Variants in KCNIP4 observed in about 807,000 individuals in gnomAD.
The protein encoded by KCNIP4 is potassium voltage-gated channel interacting protein 4.
In KCNIP4, 12 loss-of-function variants were observed where a neutral mutation model predicts 34.0. That is an observed-to-expected ratio of 0.35 (90% CI 0.23 to 0.57). KCNIP4 has a LOEUF of 0.57. Among genes scored for constraint, KCNIP4 ranks in the 20% least tolerant of loss-of-function variants. The probability of loss-of-function intolerance (pLI) is 0.83; values close to 1 mark genes in which losing one functional copy is unlikely to be tolerated. For synonymous variants in KCNIP4, 124 were observed against 102.2 expected (o/e 1.21, Z -1.29); for missense variants, 238 against 311.7 (o/e 0.76, Z 1.78).
intron 1 of KCNIP4, among the ~76,000 whole-genome samples, chr4:21,130,138 A>G (rs1051208824): frequency 6.6e-6 from 1 of 151,416 alleles, no homozygotes; most frequent in Non-Finnish European, 1.5e-5. Flanking sequence ...ATCCTCCCTC[A>G]TATCCCTAAG....
intron 1 of KCNIP4, among the ~76,000 whole-genome samples, chr4:21,872,347 C>T (rs1725869206): frequency 6.6e-6 from 1 of 152,106 alleles, no homozygotes; most frequent in Non-Finnish European, 1.5e-5. Context: ...CGCTATGAGC[C>T]AGGATTTATT....
At chr4:21,604,772 T>C (rs1204167971) in intron 1 of KCNIP4, among the ~76,000 whole-genome samples, 2 of 152,166 alleles carry the variant, frequency 1.3e-5, no homozygotes, top group Non-Finnish European at 2.9e-5. Context: ...GTACACTAAA[T>C]TTAGACAAAT....
At chr4:20,803,635 G>A (rs1217024563) in intron 3 of KCNIP4, among the ~76,000 whole-genome samples, 1 of 150,986 alleles carries the variant, frequency 6.6e-6, no homozygotes, top group Non-Finnish European at 1.5e-5. Context: ...TCCAGCCTGG[G>A]CAACAGAGTG....
chr4:21,195,866 A>T (rs1469208411), intron 1 of KCNIP4, among the ~76,000 whole-genome samples: 1 of 152,112 alleles, frequency 6.6e-6, no homozygotes, highest in Non-Finnish European at 1.5e-5. Flanking sequence ...GCTACTCATG[A>T]GGGTTACATG....
At chr4:21,835,264 G>T (rs1421119140) in intron 1 of KCNIP4, among the ~76,000 whole-genome samples, 1 of 151,874 alleles carries the variant, frequency 6.6e-6, no homozygotes, top group Non-Finnish European at 1.5e-5. Flanking sequence ...ACAACAGAAG[G>T]CTACTTACAC....
rs73805007 is a variant in KCNIP4 at position 21,134,781 on chromosome 4, G to A, written c.62-252072C>T. ...TTCTATCAATATAATCCCATTCACT[G>A]TTCTCATGAATCTTTAACTGTCTTT... On this transcript the variant is annotated intron_variant, in intron 1 of 8. Transcript: ENST00000382152. Among the ~76,000 whole-genome samples, 703 of 152,208 alleles carry A rather than the reference G, an allele frequency of 4.6e-3. 3 individuals carry two copies. The highest frequency in any genetic ancestry group is 0.015 in the African/African-American group (606 of 41,538).
intron 1 of KCNIP4, among the ~76,000 whole-genome samples, chr4:21,935,107 G>A (rs1729782757): frequency 6.6e-6 from 1 of 151,908 alleles, no homozygotes; most frequent in Non-Finnish European, 1.5e-5. Context: ...CTTGACTCCT[G>A]CTCCTCCTTG....
At chr4:21,015,083 T>C (rs1739381099) in intron 1 of KCNIP4, among the ~76,000 whole-genome samples, 1 of 151,994 alleles carries the variant, frequency 6.6e-6, no homozygotes, top group Non-Finnish European at 1.5e-5. Flanking sequence ...AGAAGCAAAT[T>C]CATAGAAATA....
chr4:21,687,058 C>G (rs1750858646), intron 1 of KCNIP4, among the ~76,000 whole-genome samples: 2 of 145,454 alleles, frequency 1.4e-5, no homozygotes, highest in South Asian at 2.3e-4. Flanking sequence ...TCTCAGTAAA[C>G]TATCGCAAGA....
intron 1 of KCNIP4, among the ~76,000 whole-genome samples, chr4:21,772,624 T>C (rs774842156): frequency 2.6e-5 from 4 of 152,162 alleles, no homozygotes; most frequent in Non-Finnish European, 4.4e-5. Flanking sequence ...CTTCAGGGAT[T>C]CAACTGCTTC....
At chr4:21,374,780 C>T (rs1055558204) in intron 1 of KCNIP4, among the ~76,000 whole-genome samples, 8 of 147,298 alleles carry the variant, frequency 5.4e-5, no homozygotes, top group South Asian at 4.2e-4. Context: ...ATTAGGGAGA[C>T]ATTAGATACT....
At position 20,822,615 on chromosome 4, in the gene KCNIP4, C is replaced by T. The variant is rs189621067; in HGVS notation, c.288+27928G>A. Among the ~76,000 whole-genome samples the T allele has an allele frequency of 1.2e-3, 182 of 152,296 alleles. 1 individual carries two copies. The highest frequency in any genetic ancestry group is 3.9e-3 in the African/African-American group (163 of 41,566). ...AGGAGTCATTTTGTGATAAAAGAGA[C>T]TCTGAACTTTAGAATTTTGAGTTGT... On this transcript the variant is annotated intron_variant, in intron 3 of 8. Coordinates refer to ENST00000382152, the MANE Select transcript of KCNIP4 (RefSeq NM_025221.6).
chr4:21,493,290 G>C (rs904583626), intron 1 of KCNIP4, among the ~76,000 whole-genome samples: 7 of 152,038 alleles, frequency 4.6e-5, no homozygotes, highest in African/African-American at 1.7e-4. Flanking sequence ...AGCCCTCTTA[G>C]CTGAAGTGCC....
intron 1 of KCNIP4, among the ~76,000 whole-genome samples, chr4:20,977,230 C>A (rs1204353260): frequency 6.6e-6 from 1 of 152,146 alleles, no homozygotes; most frequent in East Asian, 1.9e-4. Context: ...TTGTCTCTGT[C>A]TAGTCTTCAC....
At chr4:20,936,978 T>C (rs1560583839) in intron 1 of KCNIP4, among the ~76,000 whole-genome samples, 1 of 151,996 alleles carries the variant, frequency 6.6e-6, no homozygotes, top group Non-Finnish European at 1.5e-5. Flanking sequence ...TGCTGATCTG[T>C]TGGCTGAAGG....
At chr4:21,860,694 G>A (rs1725023421) in intron 1 of KCNIP4, among the ~76,000 whole-genome samples, 1 of 151,470 alleles carries the variant, frequency 6.6e-6, no homozygotes, top group African/African-American at 2.4e-5. Flanking sequence ...ATAACATTTT[G>A]TTTTTAAAGG....
At chr4:21,789,056 G>C (rs1720097208) in intron 1 of KCNIP4, among the ~76,000 whole-genome samples, 1 of 129,080 alleles carries the variant, frequency 7.7e-6, no homozygotes, top group Non-Finnish European at 1.6e-5. Context: ...CTGGGCAACA[G>C]AGCGAGATTC....
intron 1 of KCNIP4, among the ~76,000 whole-genome samples, chr4:21,574,662 G>A (rs1740610308): frequency 1.3e-5 from 2 of 152,094 alleles, no homozygotes; most frequent in African/African-American, 2.4e-5. Flanking sequence ...CCCTCAAATT[G>A]AGAGTGTAAG....
At position 21,137,566 on chromosome 4, in the gene KCNIP4, T is replaced by C. The variant is rs189564476; in HGVS notation, c.62-254857A>G. Among the ~76,000 whole-genome samples, 29 of 152,352 alleles carry C rather than the reference T, an allele frequency of 1.9e-4. No individual in the cohort carries two copies. In the East Asian group the frequency reaches 3.1e-3, roughly 16 times the overall value. On this transcript the variant is annotated intron_variant, in intron 1 of 8. Coordinates refer to ENST00000382152, the MANE Select transcript of KCNIP4 (RefSeq NM_025221.6). ...TTAGCATCTTATCATCTAGTCAAAA[T>C]GCCTTTAGAGTGATGTCTTAGATCT...
Sources: allele counts gnomAD v4.1 joint callset (sites outside exome capture counted in the v4.1 genomes callset), GRCh38; gene constraint gnomAD v4.1.1; transcripts MANE v1.5; gene names NCBI Gene and HGNC (gene_info 2026-07-23, HGNC 2026-07-21).